ICA1: variants seen among roughly 807,000 people sequenced by gnomAD.
ICA1 encodes the protein 69 kDa islet cell autoantigen.
A neutral mutation model predicts 71.0 loss-of-function variants in ICA1; 40 were observed. The observed-to-expected ratio is 0.56, with a 90% CI of 0.44 to 0.73. The LOEUF (loss-of-function observed/expected upper bound fraction) is 0.73. Ranked by LOEUF, ICA1 falls within the 30% of genes least tolerant of loss-of-function variation. The probability of loss-of-function intolerance (pLI) is 0.00; values close to 1 mark genes in which losing one functional copy is unlikely to be tolerated. For synonymous variants in ICA1, 207 were observed against 209.5 expected, an observed-to-expected ratio of 0.99 and a Z score of 0.10; for missense variants, 578 against 576.5, an observed-to-expected ratio of 1.00 and a Z score of -0.03.
At position 8,132,478 on chromosome 7, in the gene ICA1, C is replaced by A. The variant is rs1286310669; in HGVS notation, c.1061-4336G>T. Among the ~76,000 whole-genome samples the A allele has an allele frequency of 2.0e-5, 3 of 152,154 alleles. No individual in the cohort carries two copies. The highest frequency in any genetic ancestry group is 4.4e-5 in the Non-Finnish European group (3 of 68,024). On this transcript the variant is annotated intron_variant, in intron 12 of 13. Coordinates refer to ENST00000402384, the MANE Select transcript of ICA1 (RefSeq NM_001136020.3). The surrounding 1 kb of genome is among the most constrained non-coding windows in gnomAD (Gnocchi z 4.5). The stretch of plus-strand genomic sequence containing the variant: ...TTTCTCAGCTGCCTGTAATTAAGTT[C>A]CTGCCCCCACCCTATACTGAAATAG...
At chr7:8,199,591 G>GT (rs1487133795) in intron 6 of ICA1, among the ~76,000 whole-genome samples, 3 of 152,174 alleles carry the variant, frequency 2.0e-5, no homozygotes, top group African/African-American at 7.2e-5. Context: ...ACAGGTGCCT[G>GT]TAATCCCAGC....
chr7:8,124,455 A>G (rs79139656), intron 13 of ICA1, among the ~76,000 whole-genome samples: 12 of 113,832 alleles, frequency 1.1e-4, no homozygotes, highest in African/African-American at 3.4e-4. Context: ...GAATGCAGTG[A>G]AAAAAAAAAA....
At chr7:8,228,477 T>C in intron 4 of ICA1, 124 bp downstream of exon 4, 1 of 510,974 alleles carries the variant, frequency 2.0e-6, no homozygotes, top group Admixed American at 3.9e-5. Context: ...GAGACTCTCC[T>C]CCCAACGCCT....
intron 6 of ICA1, among the ~76,000 whole-genome samples, chr7:8,185,920 C>A (rs932022000): frequency 7.2e-5 from 11 of 152,138 alleles, no homozygotes; most frequent in Admixed American, 2.0e-4. Context: ...GGGTTAGATG[C>A]TACAGGAAAC....
chr7:8,195,996 A>ACAACAACAACAC (rs1554332504), intron 6 of ICA1, among the ~76,000 whole-genome samples: 8 of 151,518 alleles, frequency 5.3e-5, no homozygotes, highest in African/African-American at 1.7e-4. Flanking sequence ...AACAACAACA[A>ACAACAACAACAC]CAACACCAAC....
rs536793295 is a variant in ICA1 at position 8,172,275 on chromosome 7, C to T, written c.580-13623G>A. ...ATATTCTATTATCAGTTGTAGACAA[C>T]ATTGGGATTGTTATATCCTTTTTAT... On this transcript the variant is annotated intron_variant, in intron 6 of 13. Coordinates refer to ENST00000402384, the MANE Select transcript of ICA1 (RefSeq NM_001136020.3). 2.6e-5 allele frequency among the ~76,000 whole-genome samples: 4 copies of T among 152,120 alleles called. No individual in the cohort carries two copies. In the South Asian group the frequency reaches 8.3e-4, roughly 32 times the overall value.
chr7:8,256,458 C>A lies in ICA1; in HGVS notation c.-80+5636G>T, dbSNP rs750002027. On this transcript the variant is annotated intron_variant, in intron 1 of 13. Transcript: ENST00000402384. ...GCTTCCCTGAATATACTATGCACTT[C>A]AAGGACTTGAGATGATTCTTTCCAC... Among the ~76,000 whole-genome samples the A allele has an allele frequency of 2.0e-5, 3 of 152,168 alleles. No individual in the cohort carries two copies. In the South Asian group the frequency reaches 6.2e-4, roughly 31 times the overall value.
intron 13 of ICA1, chr7:8,116,473 T>A (rs1249151542): frequency 6.6e-6 from 1 of 152,198 alleles, no homozygotes; most frequent in Non-Finnish European, 1.5e-5. Flanking sequence ...AGATAGGAGA[T>A]ATGCATCATC....
At chr7:8,141,845 C>G in intron 9 of ICA1, 28 bp from the exon 10 acceptor site, 1 of 1,468,588 alleles carries the variant, frequency 6.8e-7, no homozygotes, top group Middle Eastern at 1.7e-4. Context: ...GTTTAGTCAT[C>G]AACTTCTACC....
chr7:8,224,145 G>C (rs1342493988), intron 4 of ICA1, among the ~76,000 whole-genome samples: 4 of 152,182 alleles, frequency 2.6e-5, no homozygotes, highest in Admixed American at 2.6e-4. Context: ...AGAGCAATGA[G>C]AGATGGGGAG....
intron 1 of ICA1, among the ~76,000 whole-genome samples, chr7:8,239,339 A>G (rs997623828): frequency 6.6e-6 from 1 of 152,244 alleles, no homozygotes; most frequent in Non-Finnish European, 1.5e-5. Flanking sequence ...TATCAGACAT[A>G]AACTGAGCAT....
At chr7:8,121,066 G>C (rs557424455) in intron 13 of ICA1, among the ~76,000 whole-genome samples, 1 of 152,252 alleles carries the variant, frequency 6.6e-6, no homozygotes, top group Non-Finnish European at 1.5e-5. Context: ...TTTGGGGGTT[G>C]TCTGGATAAA....
intron 12 of ICA1, among the ~76,000 whole-genome samples, chr7:8,138,386 A>G (rs1347049372): frequency 6.6e-6 from 1 of 152,244 alleles, no homozygotes; most frequent in African/African-American, 2.4e-5. Context: ...GAGGCCATCA[A>G]GGACCCCTTA....
intron 6 of ICA1, among the ~76,000 whole-genome samples, chr7:8,205,752 G>A (rs973596865): frequency 5.9e-5 from 9 of 152,160 alleles, no homozygotes; most frequent in Non-Finnish European, 1.3e-4. Context: ...TGATGAAATC[G>A]CTAGATTGAG....
At chr7:8,151,886 G>A (rs1442830411) in intron 8 of ICA1, among the ~76,000 whole-genome samples, 1 of 152,226 alleles carries the variant, frequency 6.6e-6, no homozygotes, top group Non-Finnish European at 1.5e-5. Flanking sequence ...GAGGAGACAT[G>A]GGTACATCTG....
chr7:8,197,187 G>A (rs886228188), intron 6 of ICA1, among the ~76,000 whole-genome samples: 24 of 151,776 alleles, frequency 1.6e-4, no homozygotes, highest in African/African-American at 5.8e-4. Flanking sequence ...AAGACAGATG[G>A]TAAAGATGAG....
chr7:8,177,029 G>A lies in ICA1; in HGVS notation c.580-18377C>T, dbSNP rs147266178. Among the ~76,000 whole-genome samples the A allele has an allele frequency of 2.4e-4, 37 of 152,248 alleles. No individual in the cohort carries two copies. In the East Asian group the frequency reaches 6.5e-3, roughly 27 times the overall value. On this transcript the variant is annotated intron_variant, in intron 6 of 13. Transcript: ENST00000402384. ...ACCCAAAATGGAGTGTCAGCACTTC[G>A]TCTACTACTCTCTTTCCTTATCACT...
At chr7:8,258,424 C>A (rs1015209898) in intron 1 of ICA1, among the ~76,000 whole-genome samples, 4 of 152,142 alleles carry the variant, frequency 2.6e-5, no homozygotes, top group East Asian at 3.9e-4. Context: ...ATTTCCCCAC[C>A]TTTTCATGAA....
chr7:8,158,965 T>G (rs1584716207), intron 6 of ICA1, among the ~76,000 whole-genome samples: 2 of 152,186 alleles, frequency 1.3e-5, no homozygotes, highest in East Asian at 3.8e-4. Flanking sequence ...ACAAGCAGGG[T>G]GGTGAGGAAA....
Sources: gnomAD v4.1 joint callset for allele counts (sites outside exome capture counted in the v4.1 genomes callset) on GRCh38, gnomAD v4.1.1 for gene constraint, Gnocchi (gnomAD v3.1) non-coding constraint, MANE v1.5 for transcripts, NCBI Gene and HGNC (gene_info 2026-07-23, HGNC 2026-07-21) for gene names.